LRFN2: variants seen among roughly 807,000 people sequenced by gnomAD.
The protein encoded by LRFN2 is leucine rich repeat and fibronectin type III domain containing 2.
In LRFN2, 18 loss-of-function variants were observed where a neutral mutation model predicts 37.3. The ratio of observed to expected loss-of-function variants is 0.48; its 90% CI spans 0.33 to 0.72. LRFN2 has a LOEUF of 0.72. Ranked by LOEUF, LRFN2 falls within the 30% of genes least tolerant of loss-of-function variation. The pLI is 0.02. For missense variants in LRFN2, 1,006 were observed against 1,060.7 expected (o/e 0.95, Z 0.72); for synonymous variants, 556 against 466.6 (o/e 1.19, Z -2.47).
At chr6:40,482,145 G>GA (rs1446416549) in intron 1 of LRFN2, among the ~76,000 whole-genome samples, 4 of 152,144 alleles carry the variant, frequency 2.6e-5, no homozygotes, top group African/African-American at 7.2e-5. Flanking sequence ...TTGCCATGTA[G>GA]AAAAGGAGCT....
At chr6:40,447,411 A>G (rs763239786) in intron 1 of LRFN2, among the ~76,000 whole-genome samples, 2 of 152,122 alleles carry the variant, frequency 1.3e-5, no homozygotes, top group African/African-American at 4.8e-5. Flanking sequence ...AAATTTGCCT[A>G]CCTTTAACAT....
At chr6:40,442,850 C>T (rs1034463177) in intron 1 of LRFN2, among the ~76,000 whole-genome samples, 2 of 152,136 alleles carry the variant, frequency 1.3e-5, no homozygotes, top group Admixed American at 1.3e-4. Context: ...CGGAGCTGGG[C>T]CTCAGCAGGG....
rs1337034906 is a variant in LRFN2 at position 40,392,363 on chromosome 6, C to T, written c.1950G>A (p.Lys650=). Residue 650 remains lysine (K), a synonymous_variant, in exon 3 of 3, where the codon AAG becomes AAA. Coordinates refer to ENST00000338305, the MANE Select transcript of LRFN2 (RefSeq NM_020737.3). This position sits in a 1 kb window ranked among gnomAD's most constrained non-coding sequence, Gnocchi z 4.7. ...CCCCCATCAGGCGGTCAAGGCTGGG[C>T]TTGGGGCGCGGGGCGGAGGGTGGGA... The part of the protein sequence containing the change: ...WRIPPSAPRP[K]PSLDRLMGAF... The T allele has an allele frequency of 1.9e-6, 3 of 1,604,576 alleles. No individual in the cohort carries two copies. The highest frequency in any genetic ancestry group is 2.6e-6 in the Non-Finnish European group (3 of 1,176,148).
chr6:40,455,183 G>A (rs1764207298), intron 1 of LRFN2, among the ~76,000 whole-genome samples: 1 of 152,092 alleles, frequency 6.6e-6, no homozygotes, highest in Non-Finnish European at 1.5e-5. Flanking sequence ...TTCTGCCTTG[G>A]AGTCATGCTT....
intron 1 of LRFN2, among the ~76,000 whole-genome samples, chr6:40,556,289 T>G (rs1048428984): frequency 6.6e-6 from 1 of 152,340 alleles, no homozygotes; most frequent in African/African-American, 2.4e-5. Flanking sequence ...CAGCCCCGAC[T>G]GAACACAGGC....
chr6:40,455,232 C>A (rs1343267401), intron 1 of LRFN2, among the ~76,000 whole-genome samples: 2 of 152,246 alleles, frequency 1.3e-5, no homozygotes, highest in African/African-American at 4.8e-5. Context: ...TTCTGTCACT[C>A]CTCAATATGC....
chr6:40,456,784 G>A (rs1764244721), intron 1 of LRFN2, among the ~76,000 whole-genome samples: 1 of 152,158 alleles, frequency 6.6e-6, no homozygotes, highest in Admixed American at 6.5e-5. Context: ...CCTCTCCAAG[G>A]AAGGAGAGAA....
chr6:40,435,050 T>G (rs61204292), intron 1 of LRFN2, among the ~76,000 whole-genome samples: 9,612 of 57,646 alleles, frequency 0.17, 411 homozygotes, highest in East Asian at 0.25. Flanking sequence ...TATATATATA[T>G]ATAGAGAGAG....
At chr6:40,481,985 C>T (rs190814258) in intron 1 of LRFN2, among the ~76,000 whole-genome samples, 4 of 152,198 alleles carry the variant, frequency 2.6e-5, no homozygotes, top group Non-Finnish European at 4.4e-5. Context: ...TAGCCATTGT[C>T]CTCATTTCAC....
At position 40,540,671 on chromosome 6, in the gene LRFN2, A is replaced by T. The variant is rs555550157; in HGVS notation, c.-19+46270T>A. On this transcript the variant is annotated intron_variant, in intron 1 of 2. Transcript: ENST00000338305. ...AAAACACAATGGGGTTTTCATTATG[A>T]AGGAGAAACACGGGGCCTTCTGCAG... 5.9e-5 allele frequency among the ~76,000 whole-genome samples: 9 copies of T among 152,282 alleles called. No individual in the cohort carries two copies. In the South Asian group the frequency reaches 1.9e-3, roughly 32 times the overall value.
chr6:40,418,630 A>G (rs1763148609), intron 2 of LRFN2, among the ~76,000 whole-genome samples: 1 of 152,174 alleles, frequency 6.6e-6, no homozygotes, highest in Admixed American at 6.5e-5. Flanking sequence ...CATCAGCAAC[A>G]GGAGGAAGCC....
intron 1 of LRFN2, among the ~76,000 whole-genome samples, chr6:40,545,318 A>C (rs113456049): frequency 6.6e-6 from 1 of 152,162 alleles, no homozygotes; most frequent in Non-Finnish European, 1.5e-5. Context: ...ACACAGAATG[A>C]AGGTGGTGTG....
chr6:40,497,033 G>A (rs1765244486), intron 1 of LRFN2, among the ~76,000 whole-genome samples: 2 of 152,098 alleles, frequency 1.3e-5, no homozygotes, highest in Non-Finnish European at 2.9e-5. Flanking sequence ...GCAATCTATG[G>A]TGCACCATGC....
At chr6:40,495,683 G>C (rs901542236) in intron 1 of LRFN2, among the ~76,000 whole-genome samples, 4 of 152,176 alleles carry the variant, frequency 2.6e-5, no homozygotes, top group East Asian at 1.9e-4. Flanking sequence ...GAGCTAGTCA[G>C]TTTACCCCCA....
intron 1 of LRFN2, among the ~76,000 whole-genome samples, chr6:40,564,082 G>A (rs1767047293): frequency 1.3e-5 from 2 of 152,148 alleles, no homozygotes; most frequent in African/African-American, 4.8e-5. Flanking sequence ...TGAGGCTCAG[G>A]AATGTTACCT....
intron 1 of LRFN2, among the ~76,000 whole-genome samples, chr6:40,460,687 G>A (rs972304137): frequency 3.9e-5 from 6 of 152,196 alleles, no homozygotes; most frequent in Non-Finnish European, 5.9e-5. Context: ...TATCCAGGGA[G>A]CTGGGTTATA....
rs1460218249 is a variant in LRFN2 at position 40,513,270 on chromosome 6, A to G, written c.-19+73671T>C. ...TTTTTTGAGACAAGTTCTCACTCTC[A>G]TCACCCAGGCTGAAGTGCAGTGGTG... On this transcript the variant is annotated intron_variant, in intron 1 of 2. Coordinates refer to ENST00000338305, the MANE Select transcript of LRFN2 (RefSeq NM_020737.3). 2.0e-5 allele frequency among the ~76,000 whole-genome samples: 3 copies of G among 150,398 alleles called. No individual in the cohort carries two copies. In the East Asian group the frequency reaches 5.8e-4, roughly 29 times the overall value.
chr6:40,487,462 G>A (rs573886549), intron 1 of LRFN2, among the ~76,000 whole-genome samples: 7 of 152,282 alleles, frequency 4.6e-5, no homozygotes, highest in South Asian at 2.1e-4. Flanking sequence ...TGTTCCTCCC[G>A]CAGCCTTCCT....
intron 1 of LRFN2, among the ~76,000 whole-genome samples, chr6:40,576,330 GGA>G (rs1290458276): frequency 2.0e-5 from 3 of 147,124 alleles, no homozygotes; most frequent in South Asian, 2.1e-4. Flanking sequence ...CAAGACAGAT[GGA>G]GAGAGAGACA....
Sources: gnomAD v4.1 joint callset for allele counts (sites outside exome capture counted in the v4.1 genomes callset) on GRCh38, gnomAD v4.1.1 for gene constraint, Gnocchi (gnomAD v3.1) non-coding constraint, MANE v1.5 for transcripts, NCBI Gene and HGNC (gene_info 2026-07-23, HGNC 2026-07-21) for gene names.